The following TMEM132D variants were observed in gnomAD, a reference collection of about 807,000 sequenced individuals.
TMEM132D encodes the protein mature OL transmembrane protein.
TMEM132D carries 21 observed loss-of-function variants against 62.3 expected under a neutral mutation model. The ratio of observed to expected loss-of-function variants is 0.34; its 90% CI spans 0.24 to 0.49. The LOEUF (loss-of-function observed/expected upper bound fraction) is 0.49. Ranked by LOEUF, TMEM132D falls within the 20% of genes least tolerant of loss-of-function variation. The probability of loss-of-function intolerance (pLI) is 0.99; values close to 1 mark genes in which losing one functional copy is unlikely to be tolerated. For missense variants in TMEM132D, 1,346 were observed against 1,402.8 expected (o/e 0.96, Z 0.65); for synonymous variants, 621 against 575.6 (o/e 1.08, Z -1.13).
chr12:129,628,123 T>C (rs1879268017), intron 2 of TMEM132D, among the ~76,000 whole-genome samples: 1 of 152,026 alleles, frequency 6.6e-6, no homozygotes, highest in South Asian at 2.1e-4. Context: ...CTAGAAATCA[T>C]TTGGTAAATG....
chr12:129,545,316 C>G (rs958884846), intron 2 of TMEM132D, among the ~76,000 whole-genome samples: 14 of 152,156 alleles, frequency 9.2e-5, no homozygotes, highest in Non-Finnish European at 1.6e-4. Flanking sequence ...AAGATCTATG[C>G]CTGTCTTTTG....
At chr12:129,270,853 C>A (rs1191240984) in intron 4 of TMEM132D, among the ~76,000 whole-genome samples, 2 of 152,196 alleles carry the variant, frequency 1.3e-5, no homozygotes, top group Non-Finnish European at 2.9e-5. Context: ...CTTTGGAATT[C>A]ATCACAGATA....
intron 2 of TMEM132D, among the ~76,000 whole-genome samples, chr12:129,558,629 G>A (rs747688537): frequency 2.6e-5 from 4 of 152,144 alleles, no homozygotes; most frequent in Non-Finnish European, 5.9e-5. Flanking sequence ...GGACCACACG[G>A]GAAAAGGGAA....
At chr12:129,838,746 A>G (rs1020009105) in intron 1 of TMEM132D, among the ~76,000 whole-genome samples, 1 of 152,220 alleles carries the variant, frequency 6.6e-6, no homozygotes, top group African/African-American at 2.4e-5. Flanking sequence ...GCGGCAAACA[A>G]GAACACTATT....
intron 2 of TMEM132D, among the ~76,000 whole-genome samples, chr12:129,592,710 A>G (rs1878227746): frequency 6.6e-6 from 1 of 152,188 alleles, no homozygotes; most frequent in Non-Finnish European, 1.5e-5. Context: ...TGCATTTTTC[A>G]TGGACTCAAA....
chr12:129,143,902 G>C (rs1876814728), intron 5 of TMEM132D, among the ~76,000 whole-genome samples: 1 of 151,414 alleles, frequency 6.6e-6, no homozygotes, highest in African/African-American at 2.5e-5. Flanking sequence ...AGGTGAGCAG[G>C]TCTGCTAGAG....
intron 2 of TMEM132D, among the ~76,000 whole-genome samples, chr12:129,682,206 T>A (rs1880794765): frequency 6.6e-6 from 1 of 152,220 alleles, no homozygotes; most frequent in African/African-American, 2.4e-5. Flanking sequence ...CTGTTCACAT[T>A]TCAGCTGGTC....
intron 5 of TMEM132D, among the ~76,000 whole-genome samples, chr12:129,130,820 T>C (rs1876354036): frequency 6.6e-6 from 1 of 152,194 alleles, no homozygotes; most frequent in Non-Finnish European, 1.5e-5. Flanking sequence ...AACATACCTA[T>C]GGATTATACC....
chr12:129,476,589 C>T lies in TMEM132D; in HGVS notation c.1115+54470G>A, dbSNP rs181271564. The stretch of plus-strand genomic sequence containing the variant: ...GGATGGCCCCTAATGCCCAAGTTCA[C>T]GCTGAGGCTCAAATTCTCTACATTA... On this transcript the variant is annotated intron_variant, in intron 3 of 8. Coordinates refer to ENST00000422113, the MANE Select transcript of TMEM132D (RefSeq NM_133448.3). Among the ~76,000 whole-genome samples the T allele has an allele frequency of 4.6e-5, 7 of 152,228 alleles. No homozygotes were observed. The East Asian group carries it at 7.7e-4, about 17-fold the overall frequency.
intron 3 of TMEM132D, among the ~76,000 whole-genome samples, chr12:129,361,651 A>G (rs1196158323): frequency 6.6e-6 from 1 of 152,234 alleles, no homozygotes; most frequent in East Asian, 1.9e-4. Flanking sequence ...CTGCCTCTAT[A>G]CACAAGACAA....
chr12:129,634,135 C>A (rs529731128), intron 2 of TMEM132D, among the ~76,000 whole-genome samples: 92 of 152,210 alleles, frequency 6.0e-4, no homozygotes, highest in Non-Finnish European at 9.4e-4. Flanking sequence ...GCAGTGGTGT[C>A]CCCTGCACTC....
chr12:129,845,182 A>G (rs1873323087), intron 1 of TMEM132D, among the ~76,000 whole-genome samples: 2 of 152,240 alleles, frequency 1.3e-5, no homozygotes, highest in South Asian at 2.1e-4. Context: ...ATGGATACAT[A>G]TATTTAAAAT....
At chr12:129,210,351 T>C (rs1049625747) in intron 4 of TMEM132D, 2 of 152,324 alleles carry the variant, frequency 1.3e-5, no homozygotes, top group African/African-American at 2.4e-5. Context: ...GTTTCAATTT[T>C]CTAGGCTTTT....
chr12:129,543,212 T>C (rs868100313), intron 2 of TMEM132D, among the ~76,000 whole-genome samples: 3 of 91,752 alleles, frequency 3.3e-5, no homozygotes, highest in Non-Finnish European at 6.3e-5. Context: ...AGTTGGTGAG[T>C]GGGTGGGTGG....
intron 3 of TMEM132D, among the ~76,000 whole-genome samples, chr12:129,523,273 C>A (rs907033290): frequency 2.0e-5 from 3 of 152,196 alleles, no homozygotes; most frequent in Admixed American, 6.5e-5. Context: ...GAAATGGGAG[C>A]TTTCTCTTTC....
At chr12:129,153,475 C>T (rs1237349917) in intron 5 of TMEM132D, among the ~76,000 whole-genome samples, 1 of 152,042 alleles carries the variant, frequency 6.6e-6, no homozygotes, top group Non-Finnish European at 1.5e-5. Context: ...CGTGAAATGT[C>T]AGAACACTCC....
intron 2 of TMEM132D, among the ~76,000 whole-genome samples, chr12:129,661,087 G>A (rs1226526101): frequency 2.0e-5 from 3 of 152,174 alleles, no homozygotes; most frequent in East Asian, 1.9e-4. Context: ...GAGGGAAAAC[G>A]TCACTTCTAG....
intron 1 of TMEM132D, among the ~76,000 whole-genome samples, chr12:129,896,148 TTG>T (rs972557769): frequency 3.2e-4 from 48 of 151,630 alleles, no homozygotes; most frequent in African/African-American, 8.7e-4. Context: ...TTTTTTTGTT[TTG>T]TTTTGTTTTG....
chr12:129,658,598 T>G (rs1880156230), intron 2 of TMEM132D, among the ~76,000 whole-genome samples: 1 of 152,168 alleles, frequency 6.6e-6, no homozygotes, highest in African/African-American at 2.4e-5. Context: ...CTCAGAAAAC[T>G]GCTTGACGAA....
Sources: gnomAD v4.1 joint callset for allele counts (sites outside exome capture counted in the v4.1 genomes callset) on GRCh38, gnomAD v4.1.1 for gene constraint, MANE v1.5 for transcripts, NCBI Gene and HGNC (gene_info 2026-07-23, HGNC 2026-07-21) for gene names.